The following DKK3 variants were observed in gnomAD, a reference collection of about 807,000 sequenced individuals.
DKK3 encodes the protein dickkopf-related protein 3.
Under a neutral mutation model 33.2 loss-of-function variants are expected in DKK3, and 22 were observed. That is an observed-to-expected ratio of 0.66 (90% CI 0.47 to 0.95). The LOEUF (loss-of-function observed/expected upper bound fraction) is 0.95. Among genes scored for constraint, DKK3 ranks in the 40% least tolerant of loss-of-function variants. DKK3 has a pLI of 0.00. For missense variants in DKK3, 398 were observed against 458.4 expected (o/e 0.87, Z 1.20); for synonymous variants, 194 against 188.8 (o/e 1.03, Z -0.23).
At chr11:12,003,176 G>A (rs34680731) in intron 1 of DKK3, among the ~76,000 whole-genome samples, 13,474 of 152,234 alleles carry the variant, frequency 0.089, 738 homozygotes, top group Middle Eastern at 0.16. Context: ...CATCCCAAAT[G>A]CACTATTTGC....
Position 11,964,258 on chromosome 11 carries a change from ACT to A in DKK3, c.*204_*205del. 1 of 656,580 alleles carries A rather than the reference ACT, an allele frequency of 1.5e-6. No homozygotes were observed. Among genetic ancestry groups the A allele is most frequent in the South Asian group, 2.0e-5 (1 of 49,940 alleles). The allele number at this position is 656,580 out of a possible 1,614,324, so 40.7% of individuals were successfully genotyped here. ...TGCTCCTGCAGTTTAACCCTGCCTG[ACT>A]CTCCCAAGCACCAGACTGTGAAGCC... On this transcript the variant is annotated 3_prime_UTR_variant, in exon 7 of 7. Coordinates refer to ENST00000683431, the MANE Select transcript of DKK3 (RefSeq NM_001018057.2).
rs984443117 is a variant in DKK3, at chr11:11,978,514, CT to C, written c.436-10028del. On this transcript the variant is annotated intron_variant, in intron 3 of 6. Coordinates refer to ENST00000683431, the MANE Select transcript of DKK3 (RefSeq NM_001018057.2). ...TTCTTCTTCTTCTTTCTTCTTTCTT[CT>C]TTTTTTTATCGTTTTGTTTGGTTTT... 6.5e-5 allele frequency among the ~76,000 whole-genome samples: 9 copies of C among 138,874 alleles called. No homozygotes were observed. In the South Asian group the frequency reaches 2.0e-3, roughly 31 times the overall value. The allele number at this position is 138,874 out of a possible 152,430, so 91.1% of individuals were successfully genotyped here.
chr11:11,991,318 C>T (rs1316163411), intron 3 of DKK3, among the ~76,000 whole-genome samples: 1 of 152,146 alleles, frequency 6.6e-6, no homozygotes, highest in African/African-American at 2.4e-5. Context: ...GAAATTTGAT[C>T]TCTAGTGTTG....
chr11:11,993,145 T>C (rs1183580279), intron 3 of DKK3, among the ~76,000 whole-genome samples: 2 of 152,114 alleles, frequency 1.3e-5, no homozygotes, highest in Non-Finnish European at 2.9e-5. Flanking sequence ...TGCAAAACCA[T>C]TCAAAAATAT....
chr11:11,986,514 A>AC (rs1160076859), intron 3 of DKK3, among the ~76,000 whole-genome samples: 1 of 152,014 alleles, frequency 6.6e-6, no homozygotes, highest in Non-Finnish European at 1.5e-5. Context: ...GGAAAACCAT[A>AC]CAGTTGTCCT....
At chr11:11,980,041 G>A (rs79793349) in intron 3 of DKK3, 2,393 of 152,378 alleles carry the variant, frequency 0.016, 23 homozygotes, top group Middle Eastern at 0.041. Context: ...CTGGAGCTCT[G>A]TGGCAGCTCT....
At chr11:12,007,782 G>A (rs1848568227) in intron 1 of DKK3, among the ~76,000 whole-genome samples, 1 of 152,184 alleles carries the variant, frequency 6.6e-6, no homozygotes, top group African/African-American at 2.4e-5. Context: ...GTTGGGTGGA[G>A]GGGGTATTGC....
At chr11:11,986,041 G>C in intron 3 of DKK3, among the ~76,000 whole-genome samples, 1 of 152,144 alleles carries the variant, frequency 6.6e-6, no homozygotes, top group South Asian at 2.1e-4. Context: ...TGCTCGTGGG[G>C]CTGAGCCTAA....
rs1392341902 is a variant in DKK3 at position 11,964,232 on chromosome 11, C to T, written c.*232G>A. The stretch of plus-strand genomic sequence containing the variant: ...CAATAATCTGGACAGGGGTGGCAAA[C>T]TGCTCCTGCAGTTTAACCCTGCCTG... On this transcript the variant is annotated 3_prime_UTR_variant, in exon 7 of 7. Transcript: ENST00000683431. 3 of 573,622 alleles carry T rather than the reference C, an allele frequency of 5.2e-6. No homozygotes were observed. The highest frequency in any genetic ancestry group is 9.2e-6 in the Non-Finnish European group (3 of 327,460). 35.5% of individuals were successfully genotyped at this position (573,622 alleles called of 1,614,324 possible). A position where few individuals can be genotyped will look rare whatever the true frequency, so the allele number is the denominator to read the frequency against.
At chr11:11,982,545 C>T (rs1847977714) in intron 3 of DKK3, among the ~76,000 whole-genome samples, 1 of 152,208 alleles carries the variant, frequency 6.6e-6, no homozygotes, top group South Asian at 2.1e-4. Context: ...CCAGTCTCAG[C>T]CACTTTTTGG....
At chr11:11,976,821 T>C (rs1400387209) in intron 3 of DKK3, among the ~76,000 whole-genome samples, 1 of 148,020 alleles carries the variant, frequency 6.8e-6, no homozygotes, top group Non-Finnish European at 1.5e-5. Flanking sequence ...TTTTCCCCAT[T>C]CCTGAGAGTC....
At chr11:11,976,313 C>T (rs1257806769) in intron 3 of DKK3, among the ~76,000 whole-genome samples, 1 of 152,182 alleles carries the variant, frequency 6.6e-6, no homozygotes, top group Non-Finnish European at 1.5e-5. Flanking sequence ...GATGGGCCAA[C>T]TACCAACAAG....
intron 3 of DKK3, among the ~76,000 whole-genome samples, chr11:11,995,308 C>A (rs539391203): frequency 1.3e-5 from 2 of 152,102 alleles, no homozygotes; most frequent in Non-Finnish European, 2.9e-5. Flanking sequence ...TGGTCTTGAA[C>A]TCCTGTCTTC....
At chr11:11,982,832 T>A (rs1226106925) in intron 3 of DKK3, among the ~76,000 whole-genome samples, 1 of 152,206 alleles carries the variant, frequency 6.6e-6, no homozygotes, top group Non-Finnish European at 1.5e-5. Flanking sequence ...GAAATCCCCT[T>A]TCTCTCAAAC....
At position 11,996,990 on chromosome 11, in the gene DKK3, C is replaced by T. The variant is rs138211239; in HGVS notation, c.435+1706G>A. On this transcript the variant is annotated intron_variant, in intron 3 of 6. Coordinates refer to ENST00000683431, the MANE Select transcript of DKK3 (RefSeq NM_001018057.2). ...GCAACCAGTTTCTGCCCAAGCATGC[C>T]GTTGGCATGTTCAAGATCTTGTCTC... is the stretch of plus-strand genomic sequence containing the variant. Among the ~76,000 whole-genome samples the T allele has an allele frequency of 3.3e-3, 504 of 152,342 alleles. 1 individual carries two copies. Among genetic ancestry groups the T allele is most frequent in the African/African-American group, 0.011 (438 of 41,582 alleles).
At chr11:11,995,591 G>A (rs1469208204) in intron 3 of DKK3, among the ~76,000 whole-genome samples, 2 of 152,236 alleles carry the variant, frequency 1.3e-5, no homozygotes, top group East Asian at 3.8e-4. Flanking sequence ...TCAAAAGGGT[G>A]CCTTGGCTAA....
intron 2 of DKK3, among the ~76,000 whole-genome samples, chr11:12,000,205 TTTGTTTG>T (rs1848394992): frequency 6.6e-6 from 1 of 152,092 alleles, no homozygotes; most frequent in Non-Finnish European, 1.5e-5. Flanking sequence ...TGTTTGTTTG[TTTGTTTG>T]TTTGTCTTTT....
intron 3 of DKK3, among the ~76,000 whole-genome samples, chr11:11,971,244 A>G (rs923950541): frequency 6.6e-6 from 1 of 152,198 alleles, no homozygotes; most frequent in Middle Eastern, 3.2e-3. Context: ...GGAACTGATT[A>G]TTGTACAGTC....
rs762948185 is a variant in DKK3 at position 11,968,478 on chromosome 11, T to C, written c.445A>G (p.Ile149Val). The change falls in exon 4 of 7, where the codon ATC becomes GTC. Residue 149 changes from isoleucine (I) to valine (V), a missense_variant. By Grantham distance (29) the Ile-to-Val change is conservative. Coordinates refer to ENST00000683431, the MANE Select transcript of DKK3 (RefSeq NM_001018057.2). ...ATGCTGGGCCCACAGTCCTCGTCGA[T>C]GATGCACTCCTGGGGAAGGGCACAG... ...EEGRRSHECI[I>V]DEDCGPSMYC... 4 of 1,613,060 alleles carry C rather than the reference T, an allele frequency of 2.5e-6. No individual in the cohort carries two copies. The highest frequency in any genetic ancestry group is 3.4e-6 in the Non-Finnish European group (4 of 1,179,550).
Sources: allele counts gnomAD v4.1 joint callset (sites outside exome capture counted in the v4.1 genomes callset), GRCh38; gene constraint gnomAD v4.1.1; transcripts MANE v1.5; gene names NCBI Gene and HGNC (gene_info 2026-07-23, HGNC 2026-07-21).